Variants in LRP1B observed in about 807,000 individuals in gnomAD.
LRP1B encodes the protein low-density lipoprotein receptor-related protein 1B.
Under a neutral mutation model 556.6 loss-of-function variants are expected in LRP1B, and 217 were observed. The observed-to-expected ratio is 0.39, with a 90% CI of 0.35 to 0.44. The LOEUF (loss-of-function observed/expected upper bound fraction) is 0.44. Ranked by LOEUF, LRP1B falls within the 20% of genes least tolerant of loss-of-function variation. The pLI is 1.00. For synonymous variants in LRP1B, 2,047 were observed against 1,865.8 expected, an observed-to-expected ratio of 1.10 and a Z score of -2.50; for missense variants, 5,053 against 5,620.8, an observed-to-expected ratio of 0.90 and a Z score of 3.23.
Position 140,534,065 on chromosome 2 carries a change from C to G in LRP1B, c.7718G>C (p.Gly2573Ala), listed in dbSNP as rs752171681. 9.3e-6 allele frequency: 15 copies of G among 1,613,410 alleles called. No homozygotes were observed. Among genetic ancestry groups the G allele is most frequent in the African/African-American group, 1.3e-5 (1 of 74,880 alleles). ...RCIPHGKLCDGENDCGDNSDE... is the reference protein window; with the variant it reads ...RCIPHGKLCDAENDCGDNSDE... ...AGAGTTGTCTCCGCAGTCATTTTCT[C>G]CATCACATAACTTGCCATGAGGAAT... Residue 2573 changes from glycine (G) to alanine (A), a missense_variant, in exon 47 of 91, where the codon GGA becomes GCA. Transcript: ENST00000389484.
At chr2:141,634,291 C>T (rs1041394846) in intron 2 of LRP1B, among the ~76,000 whole-genome samples, 2 of 151,830 alleles carry the variant, frequency 1.3e-5, no homozygotes, top group African/African-American at 4.8e-5. Flanking sequence ...GAATAAATCA[C>T]AAATATGACC....
chr2:141,462,516 A>G (rs1681916968), intron 3 of LRP1B, among the ~76,000 whole-genome samples: 1 of 152,048 alleles, frequency 6.6e-6, no homozygotes, highest in Non-Finnish European at 1.5e-5. Flanking sequence ...AAGGGGAGGG[A>G]GAGCATTAGG....
At chr2:141,195,429 A>C (rs141202408) in intron 6 of LRP1B, among the ~76,000 whole-genome samples, 183 of 152,280 alleles carry the variant, frequency 1.2e-3, no homozygotes, top group African/African-American at 4.1e-3. Flanking sequence ...GACCCATAGA[A>C]ACTGTAAGAT....
At chr2:141,681,605 T>C (rs1181671702) in intron 2 of LRP1B, among the ~76,000 whole-genome samples, 1 of 152,122 alleles carries the variant, frequency 6.6e-6, no homozygotes, top group Non-Finnish European at 1.5e-5. Context: ...AGGTAAGATT[T>C]AGGAAATAAA....
chr2:140,316,029 G>T (rs1280226142), intron 82 of LRP1B, among the ~76,000 whole-genome samples: 1 of 152,100 alleles, frequency 6.6e-6, no homozygotes, highest in East Asian at 1.9e-4. Flanking sequence ...ATTCCTTGGG[G>T]TAGCAAAATT....
At chr2:141,064,172 C>T (rs1015114628) in intron 7 of LRP1B, among the ~76,000 whole-genome samples, 3 of 151,804 alleles carry the variant, frequency 2.0e-5, no homozygotes, top group African/African-American at 7.3e-5. Flanking sequence ...ACATCTAAAA[C>T]AGAGAATTTT....
At chr2:140,895,108 C>A (rs977857284) in intron 23 of LRP1B, among the ~76,000 whole-genome samples, 1 of 151,754 alleles carries the variant, frequency 6.6e-6, no homozygotes, top group East Asian at 1.9e-4. Context: ...CAAAACACAG[C>A]CATTATATTT....
chr2:140,302,826 A>C (rs1411207639), intron 83 of LRP1B, among the ~76,000 whole-genome samples: 1 of 151,758 alleles, frequency 6.6e-6, no homozygotes, highest in Non-Finnish European at 1.5e-5. Context: ...TCCTCCTCCC[A>C]CCCAGTTGCT....
chr2:141,697,859 G>A (rs1691785878), intron 2 of LRP1B, among the ~76,000 whole-genome samples: 2 of 151,934 alleles, frequency 1.3e-5, no homozygotes, highest in Admixed American at 1.3e-4. Context: ...CAGGAGGAAG[G>A]TACAGCACTC....
chr2:140,547,444 G>A (rs1680384676), intron 43 of LRP1B, among the ~76,000 whole-genome samples: 1 of 152,118 alleles, frequency 6.6e-6, no homozygotes, highest in East Asian at 1.9e-4. Context: ...TGTGCACAGA[G>A]GTGCTCATAA....
intron 2 of LRP1B, among the ~76,000 whole-genome samples, chr2:141,581,992 C>T (rs1686970853): frequency 6.6e-6 from 1 of 152,116 alleles, no homozygotes. Context: ...TTAATTGTTA[C>T]AAGTTTCTAA....
intron 2 of LRP1B, among the ~76,000 whole-genome samples, chr2:141,610,375 T>C (rs1366958782): frequency 7.1e-6 from 1 of 140,554 alleles, no homozygotes; most frequent in Non-Finnish European, 1.6e-5. Flanking sequence ...TACTTTTTGC[T>C]CACTGTGATC....
chr2:141,592,607 A>G (rs1559162743), intron 2 of LRP1B, among the ~76,000 whole-genome samples: 2 of 152,204 alleles, frequency 1.3e-5, no homozygotes, highest in Non-Finnish European at 2.9e-5. Flanking sequence ...CCGGACACAG[A>G]AGATATGAAA....
At chr2:140,961,025 A>G (rs1696018374) in intron 18 of LRP1B, among the ~76,000 whole-genome samples, 1 of 151,274 alleles carries the variant, frequency 6.6e-6, no homozygotes, top group Admixed American at 6.6e-5. Flanking sequence ...AATACAATTA[A>G]CTACTCAAAC....
chr2:140,402,795 C>T (rs72896291), intron 66 of LRP1B, among the ~76,000 whole-genome samples: 5,582 of 152,266 alleles, frequency 0.037, 109 homozygotes, highest in South Asian at 0.066. Context: ...AGTTTCTACC[C>T]AGGGATACCT....
At chr2:141,107,006 A>G (rs1164527936) in intron 7 of LRP1B, among the ~76,000 whole-genome samples, 2 of 151,924 alleles carry the variant, frequency 1.3e-5, no homozygotes, top group East Asian at 3.9e-4. Context: ...TTGCATTGGT[A>G]TTATGCTATC....
intron 2 of LRP1B, among the ~76,000 whole-genome samples, chr2:141,808,925 T>C (rs945775595): frequency 6.6e-6 from 1 of 152,140 alleles, no homozygotes; most frequent in African/African-American, 2.4e-5. Context: ...GTAGGAGTAC[T>C]TCATTCCTTT....
At chr2:140,541,149 A>G (rs2105017792) in intron 44 of LRP1B, 51 bp from the exon 45 acceptor site, 2 of 1,442,912 alleles carry the variant, frequency 1.4e-6, no homozygotes, top group Non-Finnish European at 9.6e-7. Context: ...TTCCTGTTCT[A>G]TGTTAGATAA....
intron 11 of LRP1B, among the ~76,000 whole-genome samples, chr2:141,043,903 G>T (rs1413973176): frequency 6.6e-6 from 1 of 151,844 alleles, no homozygotes; most frequent in Non-Finnish European, 1.5e-5. Flanking sequence ...TTTCTTCACA[G>T]AATTGGAAAA....
Sources: allele counts gnomAD v4.1 joint callset (sites outside exome capture counted in the v4.1 genomes callset), GRCh38; gene constraint gnomAD v4.1.1; transcripts MANE v1.5; gene names NCBI Gene and HGNC (gene_info 2026-07-23, HGNC 2026-07-21).